Variants in SLC25A26 observed in about 807,000 individuals in gnomAD.
SLC25A26 encodes solute carrier family 25 member 26.
SLC25A26 carries 36 observed loss-of-function variants against 37.8 expected under a neutral mutation model. The observed-to-expected ratio is 0.95, with a 90% CI of 0.73 to 1.26. The LOEUF (loss-of-function observed/expected upper bound fraction) is 1.26, where lower values mean the gene tolerates loss of function less well. Ranked by LOEUF, SLC25A26 falls within the 50% of genes most tolerant of loss-of-function variation. The probability of loss-of-function intolerance (pLI) is 0.00; values close to 1 mark genes in which losing one functional copy is unlikely to be tolerated. For synonymous variants in SLC25A26, 129 were observed against 122.5 expected (o/e 1.05, Z -0.35); for missense variants, 390 against 331.1 (o/e 1.18, Z -1.38).
intron 3 of SLC25A26, among the ~76,000 whole-genome samples, chr3:66,250,364 G>A (rs1300705324): frequency 6.6e-6 from 1 of 152,188 alleles, no homozygotes; most frequent in African/African-American, 2.4e-5. Flanking sequence ...AGTGTTACAG[G>A]CATTTTTAAG....
chr3:66,213,951 T>C (rs1040931477), intron 1 of SLC25A26, among the ~76,000 whole-genome samples: 8 of 152,052 alleles, frequency 5.3e-5, no homozygotes, highest in African/African-American at 1.9e-4. Context: ...AATTATTCAT[T>C]AAAAATGATC....
intron 1 of SLC25A26, among the ~76,000 whole-genome samples, chr3:66,224,480 A>G (rs1025866711): frequency 1.3e-5 from 2 of 152,210 alleles, no homozygotes; most frequent in Admixed American, 1.3e-4. Flanking sequence ...AGCAAGGGAA[A>G]GACCTGCCCC....
intron 1 of SLC25A26, among the ~76,000 whole-genome samples, chr3:66,150,334 C>CA (rs2070180853): frequency 6.6e-6 from 1 of 150,544 alleles, no homozygotes; most frequent in African/African-American, 2.4e-5. Flanking sequence ...CCTGTCTTTA[C>CA]TAAAAATACA....
At chr3:66,369,449 C>T (rs1016291965) in intron 7 of SLC25A26, 29 bp from the exon 8 acceptor site, 8 of 1,580,062 alleles carry the variant, frequency 5.1e-6, no homozygotes, top group Admixed American at 1.8e-5. Flanking sequence ...AACAGGATCT[C>T]ACTTGGGTGT....
intron 9 of SLC25A26, among the ~76,000 whole-genome samples, chr3:66,374,193 T>C (rs1700505762): frequency 6.9e-6 from 1 of 144,922 alleles, no homozygotes; most frequent in Non-Finnish European, 1.5e-5. Context: ...CAGTGCACTT[T>C]TTTTCCAAAT....
At chr3:66,165,916 C>G (rs2070419114) in intron 1 of SLC25A26, among the ~76,000 whole-genome samples, 4 of 151,254 alleles carry the variant, frequency 2.6e-5, no homozygotes. Context: ...TCCCTACCCC[C>G]ACCACCCCAC....
intron 1 of SLC25A26, among the ~76,000 whole-genome samples, chr3:66,134,519 T>G (rs1160625707): frequency 6.6e-6 from 1 of 152,214 alleles, no homozygotes; most frequent in African/African-American, 2.4e-5. Context: ...ACTGGAAATC[T>G]GAGTTTGAGT....
At chr3:66,143,642 G>T (rs2070071148) in intron 1 of SLC25A26, among the ~76,000 whole-genome samples, 1 of 152,196 alleles carries the variant, frequency 6.6e-6, no homozygotes, top group African/African-American at 2.4e-5. Flanking sequence ...CCAGGACTTT[G>T]GGAGGCCAAG....
In SLC25A26 at chr3:66,340,645, G is replaced by A. The variant is rs578188472; in HGVS notation, c.454-5719G>A. Reference sequence around the variant, plus strand: ...ATGCTGTGGATATTCAGTTGTTTCAGTGCCATTTATTGAAAATATTGTTTA... The same window carrying A: ...ATGCTGTGGATATTCAGTTGTTTCAATGCCATTTATTGAAAATATTGTTTA... On this transcript the variant is annotated intron_variant, in intron 5 of 9. Transcript: ENST00000354883. Among the ~76,000 whole-genome samples the A allele has an allele frequency of 4.6e-5, 7 of 152,106 alleles. 1 individual carries two copies. The South Asian group carries it at 1.2e-3, about 27-fold the overall frequency.
intron 2 of SLC25A26, among the ~76,000 whole-genome samples, chr3:66,242,386 C>G (rs2072624095): frequency 6.6e-6 from 1 of 152,204 alleles, no homozygotes; most frequent in Admixed American, 6.5e-5. Flanking sequence ...CAGAGTGCCT[C>G]TTCATTTAGC....
chr3:66,175,109 G>GTATATATATA (rs769631849), intron 1 of SLC25A26, among the ~76,000 whole-genome samples: 99 of 97,216 alleles, frequency 1.0e-3, no homozygotes, highest in South Asian at 2.0e-3. Flanking sequence ...ATGTGTGTGT[G>GTATATATATA]TATATATATA....
rs763305052 is a variant in SLC25A26 at position 66,378,835 on chromosome 3, T to C, written c.*1028T>C. The C allele has an allele frequency of 6.6e-6, 1 of 152,572 alleles. No homozygotes were observed. The highest frequency in any genetic ancestry group is 2.4e-5 in the African/African-American group (1 of 41,436). The allele number at this position is 152,572 out of a possible 1,614,324, so 9.5% of individuals were successfully genotyped here. ...TGAACCTTTATTAAAGACACTTCAA[T>C]GCCATTTGTTAGACACTTCAATATT... On this transcript the variant is annotated 3_prime_UTR_variant, in exon 10 of 10. Transcript: ENST00000354883.
At chr3:66,239,233 G>C (rs973714436) in intron 2 of SLC25A26, among the ~76,000 whole-genome samples, 3 of 150,210 alleles carry the variant, frequency 2.0e-5, no homozygotes, top group African/African-American at 7.3e-5. Context: ...TTGAATTTAA[G>C]ATCTATGTTT....
intron 1 of SLC25A26, among the ~76,000 whole-genome samples, chr3:66,162,378 G>C (rs1037948192): frequency 3.3e-5 from 5 of 150,034 alleles, no homozygotes; most frequent in African/African-American, 1.2e-4. Context: ...GGCGGGGGAG[G>C]GGGGTGCACA....
At chr3:66,282,086 A>G (rs2074364730) in intron 5 of SLC25A26, among the ~76,000 whole-genome samples, 1 of 135,774 alleles carries the variant, frequency 7.4e-6, no homozygotes, top group South Asian at 2.2e-4. Flanking sequence ...ATCTCGGCTC[A>G]CTGCAAGCTC....
At chr3:66,235,806 T>C (rs912049735) in intron 1 of SLC25A26, among the ~76,000 whole-genome samples, 2 of 152,208 alleles carry the variant, frequency 1.3e-5, no homozygotes, top group Non-Finnish European at 2.9e-5. Context: ...TTTGGAAGGA[T>C]ACAGCAAGAA....
At chr3:66,261,683 T>C (rs2073533120) in intron 3 of SLC25A26, 1 of 179,772 alleles carries the variant, frequency 5.6e-6, no homozygotes, top group African/African-American at 2.4e-5. Context: ...CAGAGGTTCC[T>C]CTGGTTCATT....
chr3:66,300,460 A>G (rs1178904019), intron 5 of SLC25A26, among the ~76,000 whole-genome samples: 1 of 152,132 alleles, frequency 6.6e-6, no homozygotes, highest in African/African-American at 2.4e-5. Flanking sequence ...TGTTCTTTGC[A>G]TATATTTCAA....
At chr3:66,356,519 A>G (rs2076579245) in intron 6 of SLC25A26, among the ~76,000 whole-genome samples, 1 of 152,242 alleles carries the variant, frequency 6.6e-6, no homozygotes, top group Admixed American at 6.5e-5. Context: ...AATAGTTATT[A>G]TGGTGAAACT....
Sources: allele counts gnomAD v4.1 joint callset (sites outside exome capture counted in the v4.1 genomes callset), GRCh38; gene constraint gnomAD v4.1.1; transcripts MANE v1.5; gene names NCBI Gene and HGNC (gene_info 2026-07-23, HGNC 2026-07-21).